Variants in KCNIP4 observed in about 807,000 individuals in gnomAD.
KCNIP4 encodes potassium voltage-gated channel interacting protein 4, also known as Kv channel-interacting protein 4.
KCNIP4 carries 12 observed loss-of-function variants against 34.0 expected under a neutral mutation model. That is an observed-to-expected ratio of 0.35 (90% CI 0.23 to 0.57). The LOEUF (loss-of-function observed/expected upper bound fraction) is 0.57, where lower values mean the gene tolerates loss of function less well. KCNIP4 is among the 20% of genes least tolerant of loss of function. The pLI is 0.83. For missense variants in KCNIP4, 238 were observed against 311.7 expected (o/e 0.76, Z 1.78); for synonymous variants, 124 against 102.2 (o/e 1.21, Z -1.29).
rs191783209 is a variant in KCNIP4, at chr4:20,777,813, G to A, written c.289-18923C>T. On this transcript the variant is annotated intron_variant, in intron 3 of 8. Transcript: ENST00000382152. ...AGAGAAGTTGGGAAACCAGTAATTA[G>A]AAAGGAGTTTGGAACTCAGGTCAGA... 4.8e-4 allele frequency among the ~76,000 whole-genome samples: 73 copies of A among 152,268 alleles called. 1 individual carries two copies. The highest frequency in any genetic ancestry group is 4.2e-3 in the Admixed American group (64 of 15,292).
At chr4:21,332,150 A>G (rs1452803635) in intron 1 of KCNIP4, among the ~76,000 whole-genome samples, 3 of 152,110 alleles carry the variant, frequency 2.0e-5, no homozygotes, top group African/African-American at 7.2e-5. Context: ...AATCAGAAGC[A>G]GCAAACTTGA....
Position 21,714,785 on chromosome 4 carries a change from G to GATATTTTATTTTATTTT in KCNIP4, c.61+233785_61+233786insAAAATAAAATAAAATAT, listed in dbSNP as rs1553923853. 6.9e-5 allele frequency among the ~76,000 whole-genome samples: 3 copies of GATATTTTATTTTATTTT among 43,388 alleles called. 1 individual carries two copies. Among genetic ancestry groups the GATATTTTATTTTATTTT allele is most frequent in the Non-Finnish European group, 1.1e-4 (3 of 28,002 alleles). 28.5% of individuals were successfully genotyped at this position (43,388 alleles called of 152,430 possible). A position where few individuals can be genotyped will look rare whatever the true frequency, so the allele number is the denominator to read the frequency against. On this transcript the variant is annotated intron_variant, in intron 1 of 8. Transcript: ENST00000382152. ...AAGAATGTGTTAGTAATTTCCCTTT[G>GATATTTTATTTTATTTT]ATTATTTTATTTTATTTTATTTTAT... is the stretch of plus-strand genomic sequence containing the variant.
chr4:21,518,606 G>A (rs938545465), intron 1 of KCNIP4, among the ~76,000 whole-genome samples: 3 of 152,072 alleles, frequency 2.0e-5, no homozygotes, highest in South Asian at 4.1e-4. Flanking sequence ...CCATTACCAC[G>A]GCGGATGAAA....
At chr4:21,920,366 C>T (rs533628693) in intron 1 of KCNIP4, among the ~76,000 whole-genome samples, 1 of 152,210 alleles carries the variant, frequency 6.6e-6, no homozygotes, top group African/African-American at 2.4e-5. Context: ...TATAGAATTA[C>T]AACTGTTTAC....
intron 1 of KCNIP4, among the ~76,000 whole-genome samples, chr4:21,363,909 C>T (rs1440416051): frequency 6.6e-6 from 1 of 152,104 alleles, no homozygotes; most frequent in African/African-American, 2.4e-5. Flanking sequence ...AAAGTAAATA[C>T]TCAGGGCATA....
At chr4:21,360,735 A>T in intron 1 of KCNIP4, among the ~76,000 whole-genome samples, 1 of 152,090 alleles carries the variant, frequency 6.6e-6, no homozygotes, top group East Asian at 1.9e-4. Context: ...AAAAAATTCA[A>T]ATTAATGTTA....
At chr4:20,775,717 T>C (rs990724459) in intron 3 of KCNIP4, among the ~76,000 whole-genome samples, 2 of 151,988 alleles carry the variant, frequency 1.3e-5, no homozygotes, top group Admixed American at 1.3e-4. Flanking sequence ...AAATAAATAA[T>C]TAAAAAGAAT....
chr4:21,334,501 A>T (rs1038797667), intron 1 of KCNIP4, among the ~76,000 whole-genome samples: 5 of 152,016 alleles, frequency 3.3e-5, no homozygotes, highest in Non-Finnish European at 5.9e-5. Context: ...ACCATTTTTT[A>T]AAATAGCTTT....
At chr4:21,173,211 TA>T (rs973986108) in intron 1 of KCNIP4, among the ~76,000 whole-genome samples, 2 of 152,112 alleles carry the variant, frequency 1.3e-5, no homozygotes, top group African/African-American at 4.8e-5. Context: ...GCAAGACTTG[TA>T]AACTGAGGGA....
chr4:21,929,681 A>C (rs1482817140), intron 1 of KCNIP4, among the ~76,000 whole-genome samples: 1 of 151,956 alleles, frequency 6.6e-6, no homozygotes, highest in Non-Finnish European at 1.5e-5. Context: ...AACTTCTTAA[A>C]AGAATTGTCT....
rs1734663446 is a variant in KCNIP4, at chr4:21,515,327, G to C, written c.61+433244C>G. Among the ~76,000 whole-genome samples the C allele has an allele frequency of 2.6e-5, 4 of 152,096 alleles. No homozygotes were observed. In the South Asian group the frequency reaches 8.3e-4, roughly 32 times the overall value. ...TCATGTGTTGGAAACTTAATTCCCAGTGCATTTGTGTTAAGAAGTAGGAAC... is the reference window on the plus strand; with the variant it reads ...TCATGTGTTGGAAACTTAATTCCCACTGCATTTGTGTTAAGAAGTAGGAAC... On this transcript the variant is annotated intron_variant, in intron 1 of 8. Transcript: ENST00000382152.
At chr4:20,816,819 A>G (rs529975401) in intron 3 of KCNIP4, among the ~76,000 whole-genome samples, 1 of 152,334 alleles carries the variant, frequency 6.6e-6, no homozygotes, top group East Asian at 1.9e-4. Flanking sequence ...AATGGATTTC[A>G]TCTTTTCTTA....
chr4:21,101,136 T>A (rs778303698), intron 1 of KCNIP4, among the ~76,000 whole-genome samples: 1 of 152,136 alleles, frequency 6.6e-6, no homozygotes, highest in Non-Finnish European at 1.5e-5. Context: ...TACTGAAGTT[T>A]CCAGTGTGTA....
chr4:21,053,370 G>T (rs116438052), intron 1 of KCNIP4, among the ~76,000 whole-genome samples: 1 of 152,160 alleles, frequency 6.6e-6, no homozygotes, highest in Non-Finnish European at 1.5e-5. Flanking sequence ...AATTTTCTCA[G>T]TTTGATAAAG....
chr4:21,319,096 C>T (rs1005101112), intron 1 of KCNIP4, among the ~76,000 whole-genome samples: 2 of 152,136 alleles, frequency 1.3e-5, no homozygotes, highest in African/African-American at 4.8e-5. Context: ...ATACATTCAA[C>T]GAGGCGCGAA....
chr4:21,448,849 C>T (rs569763934), intron 1 of KCNIP4, among the ~76,000 whole-genome samples: 1 of 152,124 alleles, frequency 6.6e-6, no homozygotes, highest in Non-Finnish European at 1.5e-5. Context: ...GATGTAAATC[C>T]TCCTGACATA....
At chr4:21,222,258 A>G (rs1758032748) in intron 1 of KCNIP4, among the ~76,000 whole-genome samples, 1 of 151,942 alleles carries the variant, frequency 6.6e-6, no homozygotes, top group African/African-American at 2.4e-5. Context: ...ACTTTCTGCC[A>G]TGAGAGCAGG....
At chr4:21,460,185 G>C (rs569843779) in intron 1 of KCNIP4, among the ~76,000 whole-genome samples, 19 of 149,798 alleles carry the variant, frequency 1.3e-4, no homozygotes, top group African/African-American at 4.4e-4. Flanking sequence ...ACAGTTCCAA[G>C]CATCCTGCGG....
chr4:20,867,531 GGATT>G (rs1353413893), intron 2 of KCNIP4, among the ~76,000 whole-genome samples: 1 of 151,960 alleles, frequency 6.6e-6, no homozygotes, highest in Non-Finnish European at 1.5e-5. Context: ...AACTCGAAAT[GGATT>G]AAAGATTTCA....
Sources: gnomAD v4.1 joint callset for allele counts (sites outside exome capture counted in the v4.1 genomes callset) on GRCh38, gnomAD v4.1.1 for gene constraint, MANE v1.5 for transcripts, NCBI Gene and HGNC (gene_info 2026-07-23, HGNC 2026-07-21) for gene names.